TNIP1: variants seen among roughly 807,000 people sequenced by gnomAD.
TNIP1 encodes the protein TNFAIP3-interacting protein 1.
TNIP1 carries 22 observed loss-of-function variants against 86.6 expected under a neutral mutation model. The ratio of observed to expected loss-of-function variants is 0.25; its 90% confidence interval spans 0.18 to 0.36. The LOEUF is 0.36. Ranked by LOEUF, TNIP1 falls within the 10% of genes least tolerant of loss-of-function variation. The pLI is 1.00. For missense variants in TNIP1, 709 were observed against 820.6 expected, an observed-to-expected ratio of 0.86 and a Z score of 1.66; for synonymous variants, 294 against 313.0, an observed-to-expected ratio of 0.94 and a Z score of 0.64.
At chr5:151,066,358 T>C (rs1420864377) in intron 1 of TNIP1, among the ~76,000 whole-genome samples, 1 of 152,128 alleles carries the variant, frequency 6.6e-6, no homozygotes, top group Non-Finnish European at 1.5e-5. Context: ...CTCTCCAGCA[T>C]GAAAGGGCCA....
At chr5:151,034,633 GAAGGCTGGGCATGGGCACAA>G (rs1426615030) in intron 15 of TNIP1, 26 of 345,456 alleles carry the variant, frequency 7.5e-5, no homozygotes, top group Middle Eastern at 1.1e-3. Context: ...CATGGGCATG[GAAGGCTGGGCATGGGCACAA>G]AAGGCTGGGC....
At position 151,033,673 on chromosome 5, in the gene TNIP1, A is replaced by G; in HGVS notation, c.1714T>C (p.Tyr572His). The G allele has an allele frequency of 7.4e-7, 1 of 1,342,780 alleles. No individual in the cohort carries two copies. Among genetic ancestry groups the G allele is most frequent in the Non-Finnish European group, 9.7e-7 (1 of 1,034,452 alleles). The allele number at this position is 1,342,780 out of a possible 1,614,324, so 83.2% of individuals were successfully genotyped here. ...TCCATGGCCATGGGGGGAGGGGGGT[A>G]GCGGATCTGGGACCAGTCCTCGAAG... ...HGFEDWSQIR[Y>H]PPPPMAMEHP... Residue 572 changes from tyrosine (Y) to histidine (H), a missense_variant, in exon 16 of 18, where the codon TAC becomes CAC. Tyr to His is a moderately conservative substitution (Grantham distance 83). Coordinates refer to ENST00000521591, the MANE Select transcript of TNIP1 (RefSeq NM_006058.5).
intron 1 of TNIP1, chr5:151,079,945 T>G (rs1327895950): frequency 6.6e-6 from 1 of 151,738 alleles, no homozygotes; most frequent in African/African-American, 2.4e-5. Context: ...GAGAAAAAAA[T>G]GATGCATTAG....
At chr5:151,032,213 CA>C (rs1336175662) in intron 17 of TNIP1, 73 bp downstream of exon 17, 2 of 1,341,862 alleles carry the variant, frequency 1.5e-6, no homozygotes, top group African/African-American at 1.5e-5. Flanking sequence ...ACATCACCCC[CA>C]AACTCAGGCA....
At chr5:151,071,228 C>A (rs1435153914) in intron 1 of TNIP1, among the ~76,000 whole-genome samples, 1 of 152,136 alleles carries the variant, frequency 6.6e-6, no homozygotes. Context: ...AGGACCGCAC[C>A]CTGGCATCCT....
rs1244293692 is a variant in TNIP1, at chr5:151,053,722, C to T, written c.628-1463G>A. Among the ~76,000 whole-genome samples the T allele has an allele frequency of 2.0e-5, 3 of 152,354 alleles. No homozygotes were observed. In the East Asian group the frequency reaches 5.8e-4, roughly 29 times the overall value. ...TTGCTCGGTGTTTCTCCATATACTG[C>T]CTCACTGGTGCCTCACAACTTCCTC... On this transcript the variant is annotated intron_variant, in intron 6 of 17. Transcript: ENST00000521591.
At chr5:151,034,658 C>T in intron 15 of TNIP1, 1 of 308,332 alleles carries the variant, frequency 3.2e-6, no homozygotes, top group Non-Finnish European at 6.0e-6. Flanking sequence ...GCACAAAAGG[C>T]TGGGCATGGG....
chr5:151,049,990 G>A (rs771361669), intron 7 of TNIP1, 43 bp from the exon 8 acceptor site: 2 of 1,612,146 alleles, frequency 1.2e-6, no homozygotes, highest in African/African-American at 1.3e-5. Context: ...CTGACCCTGA[G>A]TTAAGAAACC....
At chr5:151,059,864 T>TGC (rs1761288984) in intron 5 of TNIP1, among the ~76,000 whole-genome samples, 18 of 98,612 alleles carry the variant, frequency 1.8e-4, no homozygotes, top group Non-Finnish European at 3.4e-4. Context: ...TGTGTGTGTG[T>TGC]GTGCGCGCGC....
chr5:151,083,312 T>C (rs1764152790), upstream of TNIP1, among the ~76,000 whole-genome samples: 1 of 152,224 alleles, frequency 6.6e-6, no homozygotes, highest in African/African-American at 2.4e-5. Flanking sequence ...ACAGTAGGCA[T>C]TCAAGAAATG....
At position 151,042,927 on chromosome 5, in the gene TNIP1, A is replaced by C; in HGVS notation, c.971T>G (p.Phe324Cys). ...CTCATACTGCTGCTTCATGGACCGG[A>C]AATGCTGGTCCCACTGCTTGTTCAC... Reference protein sequence around the residue: ...LEVNKQWDQHFRSMKQQYEQK... With the variant: ...LEVNKQWDQHCRSMKQQYEQK... The change falls in exon 10 of 18, where the codon TTC becomes TGC. Residue 324 changes from phenylalanine (F) to cysteine (C), a missense_variant. Phe to Cys is a radical substitution (Grantham distance 205). Transcript: ENST00000521591. 6.2e-7 allele frequency: 1 copy of C among 1,614,168 alleles called. No individual in the cohort carries two copies. The highest frequency in any genetic ancestry group is 8.5e-7 in the Non-Finnish European group (1 of 1,180,024).
Position 151,033,641 on chromosome 5 carries a change from C to CGGGGGGGG in TNIP1, c.1745_1746insCCCCCCCC (p.Leu585ArgfsTer33). ...AGAGGCGCGAGTTGGGGAGTGGGGG[C>CGGGGGGGG]GGGTGCTCCATGGCCATGGGGGGAG... On this transcript the variant is annotated frameshift_variant, in exon 16 of 18. Transcript: ENST00000521591. LOFTEE classifies it high-confidence loss of function. 1 of 718,812 alleles carries CGGGGGGGG rather than the reference C, an allele frequency of 1.4e-6. No homozygotes were observed. Among genetic ancestry groups the CGGGGGGGG allele is most frequent in the South Asian group, 4.4e-5 (1 of 22,482 alleles). The allele number at this position is 718,812 out of a possible 1,614,324, so 44.5% of individuals were successfully genotyped here. A position where few individuals can be genotyped will look rare whatever the true frequency, so the allele number is the denominator to read the frequency against.
chr5:151,063,809 C>A, intron 2 of TNIP1, 62 bp from the exon 3 acceptor site: 1 of 1,582,298 alleles, frequency 6.3e-7, no homozygotes, highest in South Asian at 1.1e-5. Flanking sequence ...TGCTTCTCCC[C>A]GTCCCAGGCC....
intron 11 of TNIP1, among the ~76,000 whole-genome samples, 160 bp from the exon 12 acceptor site, chr5:151,039,385 G>GT (rs1758130098): frequency 1.3e-5 from 2 of 152,152 alleles, no homozygotes; most frequent in Admixed American, 1.3e-4. Flanking sequence ...TGTCCATCCG[G>GT]TCCTGCCCTC....
chr5:151,031,156 A>C (rs1203704182), intron 17 of TNIP1, among the ~76,000 whole-genome samples: 1 of 152,094 alleles, frequency 6.6e-6, no homozygotes, highest in East Asian at 1.9e-4. Flanking sequence ...TCAGGGAAAA[A>C]CAGAAAATGA....
Position 151,039,029 on chromosome 5 carries a change from G to A in TNIP1, c.1263+68C>T, listed in dbSNP as rs1010863265. The A allele has an allele frequency of 1.2e-5, 18 of 1,559,998 alleles. No individual in the cohort carries two copies. The African/African-American group carries it at 2.0e-4, about 18-fold the overall frequency. ...CTAAGCTGAATGGTTGGGGGTGCCA[G>A]TGATGGGGTGGGCATTGCAGCTGGA... On this transcript the variant is annotated intron_variant, in intron 12 of 17. Transcript: ENST00000521591.
At chr5:151,067,419 T>C (rs1404955424) in intron 1 of TNIP1, among the ~76,000 whole-genome samples, 4 of 152,172 alleles carry the variant, frequency 2.6e-5, no homozygotes, top group African/African-American at 9.7e-5. Flanking sequence ...TGCACATCTT[T>C]GTATTCCTGT....
intron 1 of TNIP1, among the ~76,000 whole-genome samples, chr5:151,086,594 C>T (rs1764287522): frequency 6.6e-6 from 1 of 152,194 alleles, no homozygotes; most frequent in African/African-American, 2.4e-5. Flanking sequence ...CAGATACACA[C>T]ACAAATACAC....
chr5:151,082,838 A>G (rs1176612390), upstream of TNIP1, among the ~76,000 whole-genome samples: 2 of 152,182 alleles, frequency 1.3e-5, no homozygotes, highest in African/African-American at 2.4e-5. Context: ...TAAAGTCGTG[A>G]CTGCCCCCAC....
Sources: allele counts gnomAD v4.1 joint callset (sites outside exome capture counted in the v4.1 genomes callset), GRCh38; gene constraint gnomAD v4.1.1; transcripts MANE v1.5; gene names NCBI Gene and HGNC (gene_info 2026-07-23, HGNC 2026-07-21).